The following NCAM1 variants were observed in gnomAD, a reference collection of about 807,000 sequenced individuals.
The protein encoded by NCAM1 is neural cell adhesion molecule 1, also known as antigen recognized by monoclonal antibody 5.1H11.
In NCAM1, 14 loss-of-function variants were observed where a neutral mutation model predicts 109.8. The ratio of observed to expected loss-of-function variants is 0.13; its 90% CI spans 0.08 to 0.20. NCAM1 has a LOEUF of 0.20. Ranked by LOEUF, NCAM1 falls within the 10% of genes least tolerant of loss-of-function variation. NCAM1 has a pLI of 1.00. For missense variants in NCAM1, 774 were observed against 1,109.9 expected (o/e 0.70, Z 4.30); for synonymous variants, 418 against 442.9 (o/e 0.94, Z 0.70).
intron 1 of NCAM1, among the ~76,000 whole-genome samples, chr11:112,978,526 C>T (rs1555068092): frequency 6.6e-6 from 1 of 151,664 alleles, no homozygotes; most frequent in Non-Finnish European, 1.5e-5. Context: ...TTTAATAAGA[C>T]TGTGTAAGAT....
At position 113,214,457 on chromosome 11, in the gene NCAM1, C is replaced by T; in HGVS notation, c.1005C>T (p.Pro335=). Residue 335 remains proline (P), a synonymous_variant, in exon 8 of 20, where the codon CCC becomes CCT. Coordinates refer to ENST00000316851, the MANE Select transcript of NCAM1 (RefSeq NM_181351.5). ...TTACCTGTGAAGCCTCCGGAGACCC[C>T]ATTCCCTCCATCACCTGGAGGACTT... is the stretch of plus-strand genomic sequence containing the variant. ...VTLTCEASGD[P]IPSITWRTST... is the part of the protein sequence containing the mutation. 1 of 1,612,938 alleles carries T rather than the reference C, an allele frequency of 6.2e-7. No individual in the cohort carries two copies. Among genetic ancestry groups the T allele is most frequent in the Non-Finnish European group, 8.5e-7 (1 of 1,179,382 alleles).
At chr11:113,212,696 A>T (rs1944421950) in intron 7 of NCAM1, among the ~76,000 whole-genome samples, 1 of 152,134 alleles carries the variant, frequency 6.6e-6, no homozygotes, top group East Asian at 1.9e-4. Context: ...TTCAGCTCTT[A>T]CTTTACCTTT....
At chr11:113,122,678 GGAGGCT>G (rs1941017684) in intron 1 of NCAM1, among the ~76,000 whole-genome samples, 2 of 152,114 alleles carry the variant, frequency 1.3e-5, no homozygotes, top group Non-Finnish European at 1.5e-5. Context: ...CAGCTATTCG[GGAGGCT>G]GAGGCAAGGG....
chr11:113,144,685 G>A (rs1342333550), intron 1 of NCAM1, among the ~76,000 whole-genome samples: 1 of 152,162 alleles, frequency 6.6e-6, no homozygotes. Flanking sequence ...TTCTGGGTCA[G>A]CAGAATATGT....
At chr11:113,018,043 G>A (rs782047074) in intron 1 of NCAM1, among the ~76,000 whole-genome samples, 13 of 152,098 alleles carry the variant, frequency 8.5e-5, no homozygotes. Flanking sequence ...TTTCCACTGG[G>A]CGAGGCATAG....
chr11:113,246,648 T>A (rs1282341800), intron 15 of NCAM1, among the ~76,000 whole-genome samples: 9 of 152,236 alleles, frequency 5.9e-5, no homozygotes, highest in Non-Finnish European at 1.5e-5. Context: ...GTTTGCAAAC[T>A]TGAATTTTTA....
At chr11:113,083,531 G>A (rs541320550) in intron 1 of NCAM1, among the ~76,000 whole-genome samples, 7 of 152,290 alleles carry the variant, frequency 4.6e-5, no homozygotes, top group East Asian at 3.9e-4. Flanking sequence ...ATATGGTTGC[G>A]TGTAATGGAG....
chr11:113,274,764 G>A lies in NCAM1; in HGVS notation c.2457-503G>A, dbSNP rs1441731535. On this transcript the variant is annotated intron_variant, in intron 19 of 19. Coordinates refer to ENST00000316851, the MANE Select transcript of NCAM1 (RefSeq NM_181351.5). The surrounding 1 kb of genome is among the most constrained non-coding windows in gnomAD (Gnocchi z 4.1). ...AGGCATCATCCTGCAACAGCACAGG[G>A]TGGGGTGGGGAAGGGACAGGCAAGA... Among the ~76,000 whole-genome samples the A allele has an allele frequency of 6.6e-6, 1 of 152,210 alleles. No individual in the cohort carries two copies.
At chr11:113,114,044 T>C (rs1350857276) in intron 1 of NCAM1, among the ~76,000 whole-genome samples, 1 of 152,250 alleles carries the variant, frequency 6.6e-6, no homozygotes, top group Non-Finnish European at 1.5e-5. Context: ...TGTTTCCCTT[T>C]TTAGGCTTAA....
chr11:113,105,651 A>G (rs1555092396), intron 1 of NCAM1, among the ~76,000 whole-genome samples: 1 of 152,238 alleles, frequency 6.6e-6, no homozygotes, highest in African/African-American at 2.4e-5. Context: ...GCTAAGTGAA[A>G]GAAGCCAGAT....
intron 1 of NCAM1, among the ~76,000 whole-genome samples, chr11:113,075,422 A>C (rs1555085964): frequency 2.0e-5 from 3 of 152,168 alleles, no homozygotes; most frequent in African/African-American, 4.8e-5. Context: ...AACGTTTAGC[A>C]TAAGGAAAGC....
At chr11:113,256,187 G>T (rs782383034) in intron 16 of NCAM1, among the ~76,000 whole-genome samples, 186 bp downstream of exon 16, 1 of 152,192 alleles carries the variant, frequency 6.6e-6, no homozygotes, top group Non-Finnish European at 1.5e-5. Context: ...ATTAGGTCAT[G>T]TTCACACTGG....
intron 1 of NCAM1, among the ~76,000 whole-genome samples, chr11:113,166,709 C>T (rs1446941567): frequency 1.3e-5 from 2 of 151,910 alleles, no homozygotes; most frequent in Non-Finnish European, 2.9e-5. Flanking sequence ...GGTAACTTGT[C>T]ATAGAAGGAA....
intron 1 of NCAM1, among the ~76,000 whole-genome samples, chr11:113,097,066 C>A (rs551955414): frequency 9.8e-5 from 15 of 152,300 alleles, no homozygotes; most frequent in Admixed American, 2.0e-4. Flanking sequence ...GAAAGTCTTG[C>A]AAGACGGCAG....
chr11:113,025,170 C>T (rs78989422), intron 1 of NCAM1, among the ~76,000 whole-genome samples: 1,526 of 152,106 alleles, frequency 0.01, 24 homozygotes, highest in African/African-American at 0.034. Flanking sequence ...TTAGATATTT[C>T]TCAAGTCATT....
chr11:113,134,956 G>A (rs1394330083), intron 1 of NCAM1, among the ~76,000 whole-genome samples: 1 of 152,016 alleles, frequency 6.6e-6, no homozygotes, highest in African/African-American at 2.4e-5. Context: ...CTCATCACTG[G>A]GGCACACTGG....
rs1555117686 is a variant in NCAM1, at chr11:113,233,335, G to A, written c.1693+18G>A. On this transcript the variant is annotated intron_variant, in intron 13 of 19. Transcript: ENST00000316851. The surrounding 1 kb of genome is among the most constrained non-coding windows in gnomAD (Gnocchi z 4.5). ...CAAGGAAGGTGAGTTGGGCGAGTTG[G>A]TGTTTCCATTGGGATCATGAGTGCC... 4 of 1,607,566 alleles carry A rather than the reference G, an allele frequency of 2.5e-6. No homozygotes were observed. Among genetic ancestry groups the A allele is most frequent in the Non-Finnish European group, 3.4e-6 (4 of 1,176,830 alleles).
chr11:113,120,923 G>A (rs1940927110), intron 1 of NCAM1, among the ~76,000 whole-genome samples: 1 of 152,190 alleles, frequency 6.6e-6, no homozygotes, highest in Non-Finnish European at 1.5e-5. Context: ...GGAATTGAAT[G>A]GGACCTGAGA....
chr11:113,121,907 A>G (rs2136043480), intron 1 of NCAM1, among the ~76,000 whole-genome samples: 1 of 152,342 alleles, frequency 6.6e-6, no homozygotes, highest in East Asian at 1.9e-4. Context: ...CAGATCTTAA[A>G]TTCTTATCTG....
Sources: gnomAD v4.1 joint callset for allele counts (sites outside exome capture counted in the v4.1 genomes callset) on GRCh38, gnomAD v4.1.1 for gene constraint, Gnocchi (gnomAD v3.1) non-coding constraint, MANE v1.5 for transcripts, NCBI Gene and HGNC (gene_info 2026-07-23, HGNC 2026-07-21) for gene names.